CRB1: variants seen among roughly 807,000 people sequenced by gnomAD.
CRB1 encodes the protein crumbs cell polarity complex component 1.
In CRB1, 83 loss-of-function variants were observed where a neutral mutation model predicts 120.0. The observed-to-expected ratio is 0.69, with a 90% CI of 0.58 to 0.83. The LOEUF is 0.83. Among genes scored for constraint, CRB1 ranks in the 40% least tolerant of loss-of-function variants. The probability of loss-of-function intolerance (pLI) is 0.00; values close to 1 mark genes in which losing one functional copy is unlikely to be tolerated. For missense variants in CRB1, 1,699 were observed against 1,687.6 expected, an observed-to-expected ratio of 1.01 and a Z score of -0.12; for synonymous variants, 625 against 612.5, an observed-to-expected ratio of 1.02 and a Z score of -0.30.
At chr1:197,204,165 A>G in the CRB1 span, among the ~76,000 whole-genome samples, 1 of 152,246 alleles carries the variant, frequency 6.6e-6, no homozygotes, top group Non-Finnish European at 1.5e-5. Flanking sequence ...ATATATGTAT[A>G]CTACAATTTC....
At chr1:197,236,286 A>T in the CRB1 span, among the ~76,000 whole-genome samples, 1 of 139,342 alleles carries the variant, frequency 7.2e-6, no homozygotes, top group African/African-American at 2.8e-5. Context: ...TGCAACCTCC[A>T]CCTCCCAGGT....
At chr1:197,275,706 G>A (rs922792599) in intron 1 of CRB1, among the ~76,000 whole-genome samples, 4 of 151,732 alleles carry the variant, frequency 2.6e-5, no homozygotes, top group African/African-American at 4.8e-5. Flanking sequence ...ATATTTCCTC[G>A]GGACAAATAG....
chr1:197,269,814 T>A (rs1411349036), intron 1 of CRB1, among the ~76,000 whole-genome samples: 1 of 152,228 alleles, frequency 6.6e-6, no homozygotes, highest in East Asian at 1.9e-4. Flanking sequence ...TAATTAAAAG[T>A]ATAGTAACTA....
the CRB1 span, among the ~76,000 whole-genome samples, chr1:197,213,748 C>T: frequency 6.6e-6 from 1 of 151,986 alleles, no homozygotes; most frequent in Non-Finnish European, 1.5e-5. Flanking sequence ...AATTTACAAA[C>T]ATATGAAGAT....
intron 1 of CRB1, among the ~76,000 whole-genome samples, chr1:197,323,866 T>A (rs1272316543): frequency 6.6e-6 from 1 of 152,136 alleles, no homozygotes. Context: ...AAGCTTTGAT[T>A]CTCATGGGGA....
intron 11 of CRB1, among the ~76,000 whole-genome samples, chr1:197,472,275 A>C (rs1287689182): frequency 1.3e-5 from 2 of 152,222 alleles, no homozygotes; most frequent in Non-Finnish European, 2.9e-5. Context: ...TCCAGGAAAG[A>C]CTTGAAGTAA....
intron 1 of CRB1, among the ~76,000 whole-genome samples, chr1:197,306,595 C>A (rs1337749507): frequency 6.6e-6 from 1 of 152,118 alleles, no homozygotes; most frequent in Non-Finnish European, 1.5e-5. Context: ...TTATGTGGAG[C>A]AGTCAGGCTC....
chr1:197,477,413 G>C (rs1292346148), intron 11 of CRB1: 2 of 539,824 alleles, frequency 3.7e-6, no homozygotes, highest in Non-Finnish European at 6.9e-6. Flanking sequence ...GAGATTAAGA[G>C]ACTGAGCAAA....
chr1:197,433,159 T>C (rs1349615930), intron 8 of CRB1, among the ~76,000 whole-genome samples: 1 of 151,796 alleles, frequency 6.6e-6, no homozygotes, highest in East Asian at 1.9e-4. Context: ...GCCTCCCAGA[T>C]AGCTGAGATT....
At chr1:197,395,542 T>C (rs188525831) in intron 5 of CRB1, among the ~76,000 whole-genome samples, 2 of 152,046 alleles carry the variant, frequency 1.3e-5, no homozygotes, top group East Asian at 1.9e-4. Flanking sequence ...AGTTAGGTGG[T>C]GATTCAACAT....
chr1:197,323,465 A>G (rs1450481480), intron 1 of CRB1, among the ~76,000 whole-genome samples: 2 of 152,204 alleles, frequency 1.3e-5, no homozygotes, highest in Non-Finnish European at 2.9e-5. Context: ...TCAATTTGCT[A>G]GAGGCAAATA....
chr1:197,439,606 T>G (rs569032432), intron 10 of CRB1: 14 of 152,198 alleles, frequency 9.2e-5, no homozygotes, highest in Non-Finnish European at 1.6e-4. Flanking sequence ...CAATTTCTTT[T>G]TTTTTAATGA....
chr1:197,286,688 G>A (rs547574872), intron 1 of CRB1, among the ~76,000 whole-genome samples: 2 of 151,982 alleles, frequency 1.3e-5, no homozygotes, highest in African/African-American at 4.8e-5. Flanking sequence ...TAGGCGCTTA[G>A]TGTCTGAAGA....
At chr1:197,281,504 AG>A (rs1655518889) in intron 1 of CRB1, among the ~76,000 whole-genome samples, 2 of 151,740 alleles carry the variant, frequency 1.3e-5, no homozygotes, top group Admixed American at 6.6e-5. Context: ...AGTGCCATGA[AG>A]GGGGGTTGAA....
chr1:197,407,311 T>C (rs1663463328), intron 5 of CRB1, among the ~76,000 whole-genome samples: 1 of 152,252 alleles, frequency 6.6e-6, no homozygotes, highest in Non-Finnish European at 1.5e-5. Context: ...TTTCGGGTTT[T>C]GGCCAAATAG....
intron 1 of CRB1, among the ~76,000 whole-genome samples, chr1:197,285,341 G>A (rs1456323397): frequency 6.6e-6 from 1 of 151,824 alleles, no homozygotes; most frequent in Non-Finnish European, 1.5e-5. Context: ...TAAGGGATAA[G>A]AGAATAGATG....
intron 7 of CRB1, chr1:197,428,879 C>T: frequency 7.8e-7 from 1 of 1,289,450 alleles, no homozygotes; most frequent in Non-Finnish European, 1.1e-6. Flanking sequence ...ACAGTTCATG[C>T]TCTAATAAAT....
At chr1:197,471,812 C>T (rs1439451153) in intron 11 of CRB1, among the ~76,000 whole-genome samples, 1 of 152,196 alleles carries the variant, frequency 6.6e-6, no homozygotes, top group Non-Finnish European at 1.5e-5. Flanking sequence ...TAACAATTCA[C>T]TCATAAGATA....
At chr1:197,414,455 A>G (rs1214794854) in intron 5 of CRB1, among the ~76,000 whole-genome samples, 2 of 152,162 alleles carry the variant, frequency 1.3e-5, no homozygotes, top group Non-Finnish European at 2.9e-5. Flanking sequence ...AGGAAATATG[A>G]GATATACCAA....
Sources: gnomAD v4.1 joint callset for allele counts (sites outside exome capture counted in the v4.1 genomes callset) on GRCh38, gnomAD v4.1.1 for gene constraint, MANE v1.5 for transcripts, NCBI Gene and HGNC (gene_info 2026-07-23, HGNC 2026-07-21) for gene names.